KIF18A: variants seen among roughly 807,000 people sequenced by gnomAD.
The protein encoded by KIF18A is kinesin family member 18A.
Under a neutral mutation model 103.3 loss-of-function variants are expected in KIF18A, and 67 were observed. The observed-to-expected ratio is 0.65, with a 90% CI of 0.53 to 0.79. The LOEUF is 0.79. Ranked by LOEUF, KIF18A falls within the 30% of genes least tolerant of loss-of-function variation. The probability of loss-of-function intolerance (pLI) is 0.00; values close to 1 mark genes in which losing one functional copy is unlikely to be tolerated. For synonymous variants in KIF18A, 367 were observed against 355.5 expected (o/e 1.03, Z -0.36); for missense variants, 1,032 against 1,062.5 (o/e 0.97, Z 0.40).
intron 1 of KIF18A, among the ~76,000 whole-genome samples, chr11:28,105,451 A>C (rs1430423035): frequency 6.6e-6 from 1 of 152,204 alleles, no homozygotes; most frequent in Non-Finnish European, 1.5e-5. Context: ...TATAAAACGA[A>C]GATGTACAAT....
chr11:28,083,280 GATA>G (rs1851188464), intron 7 of KIF18A, 37 bp from the exon 8 acceptor site: 2 of 1,517,998 alleles, frequency 1.3e-6, no homozygotes, highest in South Asian at 2.6e-5. Flanking sequence ...TTTATAGAGA[GATA>G]ATAATCACAG....
intron 13 of KIF18A, among the ~76,000 whole-genome samples, chr11:28,047,352 T>C (rs1277373446): frequency 1.3e-5 from 2 of 152,078 alleles, no homozygotes; most frequent in African/African-American, 2.4e-5. Context: ...TCAAGCAAGA[T>C]AAGGCCTTAC....
intron 13 of KIF18A, among the ~76,000 whole-genome samples, chr11:28,044,300 T>A (rs540777193): frequency 4.6e-5 from 7 of 152,112 alleles, no homozygotes; most frequent in African/African-American, 1.7e-4. Flanking sequence ...CAGGCCCATA[T>A]ACCCCCTAAA....
intron 13 of KIF18A, among the ~76,000 whole-genome samples, chr11:28,040,105 G>A (rs901874367): frequency 6.6e-6 from 1 of 151,436 alleles, no homozygotes; most frequent in Non-Finnish European, 1.5e-5. Flanking sequence ...AAAACTAAAA[G>A]CATAAACAAC....
intron 2 of KIF18A, among the ~76,000 whole-genome samples, chr11:28,096,581 T>C (rs1851377518): frequency 6.6e-6 from 1 of 152,160 alleles, no homozygotes; most frequent in African/African-American, 2.4e-5. Context: ...TCAAAATCTC[T>C]AGAGACATAT....
chr11:28,048,574 C>T (rs1218573915), intron 13 of KIF18A, among the ~76,000 whole-genome samples: 3 of 151,964 alleles, frequency 2.0e-5, no homozygotes, highest in South Asian at 4.1e-4. Context: ...GTTCAGTAGG[C>T]TATTAAAACT....
At chr11:28,048,567 C>T (rs1445827784) in intron 13 of KIF18A, among the ~76,000 whole-genome samples, 1 of 151,920 alleles carries the variant, frequency 6.6e-6, no homozygotes, top group African/African-American at 2.4e-5. Flanking sequence ...AAAAAAAGTT[C>T]AGTAGGCTAT....
At chr11:28,044,622 G>A (rs1850606087) in intron 13 of KIF18A, among the ~76,000 whole-genome samples, 1 of 152,030 alleles carries the variant, frequency 6.6e-6, no homozygotes, top group Non-Finnish European at 1.5e-5. Context: ...TTTACTGTAA[G>A]TCCAAAGACA....
rs759230480 is a variant in KIF18A, at chr11:28,062,454, T to G, written c.1653A>C (p.Gln551His). 3 of 1,612,010 alleles carry G rather than the reference T, an allele frequency of 1.9e-6. No homozygotes were observed. The highest frequency in any genetic ancestry group is 2.5e-6 in the Non-Finnish European group (3 of 1,178,716). ...AAGCTAGATCCATCATATGTCTAAT[T>G]TGTGCTTTCAAATCTTTGTTCTGGA... ...LHLQNKDLKA[Q>H]IRHMMDLACL... Residue 551 changes from glutamine to histidine, a missense_variant, in exon 12 of 17, where the codon CAA (glutamine) becomes CAC (histidine). By Grantham distance (24) the Gln-to-His change is conservative (BLOSUM62 0). Coordinates refer to ENST00000263181, the MANE Select transcript of KIF18A (RefSeq NM_031217.4).
At chr11:28,042,885 T>C (rs1850579474) in intron 13 of KIF18A, among the ~76,000 whole-genome samples, 2 of 151,888 alleles carry the variant, frequency 1.3e-5, no homozygotes, top group Non-Finnish European at 2.9e-5. Context: ...TAGAGGACTT[T>C]CTAAAGAGTA....
intron 1 of KIF18A, among the ~76,000 whole-genome samples, chr11:28,103,006 A>C (rs1641150826): frequency 6.6e-6 from 1 of 152,198 alleles, no homozygotes; most frequent in Non-Finnish European, 1.5e-5. Flanking sequence ...GTGGATTCAC[A>C]AATTCTTTTC....
intron 9 of KIF18A, among the ~76,000 whole-genome samples, chr11:28,079,802 T>C (rs1313718933): frequency 1.3e-5 from 2 of 152,076 alleles, no homozygotes; most frequent in Non-Finnish European, 2.9e-5. Context: ...TTCCTTATTG[T>C]CCTCCTAGAA....
At chr11:28,047,050 G>A (rs1237420696) in intron 13 of KIF18A, among the ~76,000 whole-genome samples, 16 of 92,606 alleles carry the variant, frequency 1.7e-4, no homozygotes, top group South Asian at 4.0e-4. Context: ...GCAACACTTC[G>A]TCTCAGAAAA....
At chr11:28,040,779 G>C (rs1850549094) in intron 13 of KIF18A, among the ~76,000 whole-genome samples, 1 of 151,680 alleles carries the variant, frequency 6.6e-6, no homozygotes, top group South Asian at 2.1e-4. Flanking sequence ...AGCAATGTAT[G>C]TTATGGTTTC....
chr11:28,094,837 T>C (rs749449171), intron 2 of KIF18A, 37 bp from the exon 3 acceptor site: 1 of 1,586,866 alleles, frequency 6.3e-7, no homozygotes, highest in Non-Finnish European at 8.7e-7. Context: ...CTCTTTGTTA[T>C]GAAATATAAC....
At chr11:28,028,300 T>G (rs1850347886) in intron 15 of KIF18A, among the ~76,000 whole-genome samples, 1 of 151,926 alleles carries the variant, frequency 6.6e-6, no homozygotes, top group African/African-American at 2.4e-5. Flanking sequence ...TCAGCAAATA[T>G]AAAAGAACAG....
At chr11:28,026,157 A>G (rs553973726) in intron 15 of KIF18A, among the ~76,000 whole-genome samples, 1 of 151,988 alleles carries the variant, frequency 6.6e-6, no homozygotes, top group East Asian at 1.9e-4. Flanking sequence ...TATTAAATAA[A>G]TTGTTAAGAT....
At chr11:28,046,724 A>G (rs1353330174) in intron 13 of KIF18A, among the ~76,000 whole-genome samples, 1 of 127,656 alleles carries the variant, frequency 7.8e-6, no homozygotes, top group Non-Finnish European at 1.6e-5. Context: ...AAGAAAAAAA[A>G]TATTGAAATT....
In KIF18A at chr11:28,023,829, T is replaced by G; in HGVS notation, c.2526A>C (p.Leu842Phe). ...CAAATCCAGAATTTACGTCTGCAGTTAACGAACTGTTTGATGTAGAACTTG... is the reference window on the plus strand; with the variant it reads ...CAAATCCAGAATTTACGTCTGCAGTGAACGAACTGTTTGATGTAGAACTTG... ...KLTSSTSNSS[L>F]TADVNSGFAK... Residue 842 changes from leucine to phenylalanine, a missense_variant, in exon 16 of 17, where the codon TTA (leucine) becomes TTC (phenylalanine). Leu to Phe is a conservative substitution (Grantham distance 22). Coordinates refer to ENST00000263181, the MANE Select transcript of KIF18A (RefSeq NM_031217.4). 3.7e-6 allele frequency: 6 copies of G among 1,611,366 alleles called. No homozygotes were observed. The highest frequency in any genetic ancestry group is 5.1e-6 in the Non-Finnish European group (6 of 1,177,942).
Sources: gnomAD v4.1 joint callset for allele counts (sites outside exome capture counted in the v4.1 genomes callset) on GRCh38, gnomAD v4.1.1 for gene constraint, MANE v1.5 for transcripts, NCBI Gene and HGNC (gene_info 2026-07-23, HGNC 2026-07-21) for gene names.